RANBP3L: variants seen among roughly 807,000 people sequenced by gnomAD.
The protein encoded by RANBP3L is RAN binding protein 3 like.
A neutral mutation model predicts 67.2 loss-of-function variants in RANBP3L; 56 were observed. The observed-to-expected ratio is 0.83, with a 90% CI of 0.67 to 1.04. The LOEUF is 1.04. RANBP3L is among the 50% of genes least tolerant of loss of function. The pLI is 0.00. For synonymous variants in RANBP3L, 164 were observed against 181.4 expected (o/e 0.90, Z 0.77); for missense variants, 496 against 535.5 (o/e 0.93, Z 0.73).
chr5:36,258,395 T>G (rs1749144382), intron 8 of RANBP3L, among the ~76,000 whole-genome samples: 1 of 152,130 alleles, frequency 6.6e-6, no homozygotes, highest in African/African-American at 2.4e-5. Context: ...TCCCTCAAAA[T>G]TGGTAGAGAT....
At position 36,260,795 on chromosome 5, in the gene RANBP3L, C is replaced by T. The variant is rs1749324139; in HGVS notation, c.654G>A (p.Met218Ile). Reference protein sequence around the residue: ...CSSNFVFGENMVERVLGTQKL... With the variant: ...CSSNFVFGENIVERVLGTQKL... ...AAAATCTTACCAAAACTCTTTCTAC[C>T]ATGTTTTCTCCAAAAACAAAATTGG... The change falls in exon 8 of 14, where the codon ATG (methionine) becomes ATA (isoleucine). Residue 218 changes from methionine (M) to isoleucine (I), a missense_variant. Coordinates refer to ENST00000296604, the MANE Select transcript of RANBP3L (RefSeq NM_145000.5). 6.5e-7 allele frequency: 1 copy of T among 1,531,448 alleles called. No individual in the cohort carries two copies. The highest frequency in any genetic ancestry group is 9.0e-7 in the Non-Finnish European group (1 of 1,109,854). 94.9% of individuals were successfully genotyped at this position (1,531,448 alleles called of 1,614,324 possible).
chr5:36,293,516 C>T (rs1284526641), intron 1 of RANBP3L, among the ~76,000 whole-genome samples: 1 of 151,264 alleles, frequency 6.6e-6, no homozygotes, highest in Non-Finnish European at 1.5e-5. Flanking sequence ...TTTGCCCATT[C>T]AGTATGATAT....
At chr5:36,267,958 A>G (rs941232171) in intron 4 of RANBP3L, among the ~76,000 whole-genome samples, 4 of 152,222 alleles carry the variant, frequency 2.6e-5, no homozygotes, top group African/African-American at 9.6e-5. Flanking sequence ...ACTGTTATAA[A>G]TGTGAAATCC....
intron 1 of RANBP3L, among the ~76,000 whole-genome samples, chr5:36,272,627 G>GT (rs1464085369): frequency 6.6e-6 from 1 of 152,102 alleles, no homozygotes; most frequent in Non-Finnish European, 1.5e-5. Context: ...GTTTAGTGGG[G>GT]TTTTTTTGTT....
In RANBP3L at chr5:36,300,921, C is replaced by T. The variant is rs1165107347; in HGVS notation, c.91+405G>A. Among the ~76,000 whole-genome samples the T allele has an allele frequency of 4.6e-5, 7 of 152,262 alleles. No individual in the cohort carries two copies. In the South Asian group the frequency reaches 1.2e-3, roughly 27 times the overall value. On this transcript the variant is annotated intron_variant, in intron 1 of 13. Transcript: ENST00000296604. ...ACAATGAATGAGCCAGAGATCCAGA[C>T]AAACTTAGGCTTAAACAAAGTGAAA... is the stretch of plus-strand genomic sequence containing the variant.
chr5:36,262,899 C>T (rs1749498332), intron 6 of RANBP3L, among the ~76,000 whole-genome samples: 1 of 152,098 alleles, frequency 6.6e-6, no homozygotes, highest in Non-Finnish European at 1.5e-5. Flanking sequence ...GTAGTTTTCA[C>T]TCCTATGTTG....
chr5:36,295,916 G>C (rs894178232), intron 1 of RANBP3L, among the ~76,000 whole-genome samples: 2 of 152,052 alleles, frequency 1.3e-5, no homozygotes, highest in African/African-American at 4.8e-5. Context: ...AACTTCCTAG[G>C]AGGAGAGAAG....
intron 4 of RANBP3L, chr5:36,268,357 G>C (rs973965185): frequency 4.1e-6 from 3 of 738,670 alleles, no homozygotes; most frequent in African/African-American, 3.7e-5. Context: ...AAAAATTTCT[G>C]TATCACTAAT....
intron 1 of RANBP3L, among the ~76,000 whole-genome samples, chr5:36,285,558 A>T (rs1277138014): frequency 6.6e-6 from 1 of 152,224 alleles, no homozygotes. Flanking sequence ...TTGTTAAAAA[A>T]TGTAGAGAAG....
intron 6 of RANBP3L, 77 bp downstream of exon 6, chr5:36,264,882 G>T: frequency 7.5e-7 from 1 of 1,338,894 alleles, no homozygotes; most frequent in South Asian, 1.3e-5. Context: ...CCTATTTCTG[G>T]ATATGGGGGC....
chr5:36,291,473 T>C (rs1295171749), intron 1 of RANBP3L, among the ~76,000 whole-genome samples: 1 of 152,112 alleles, frequency 6.6e-6, no homozygotes, highest in East Asian at 1.9e-4. Context: ...TATGTATACA[T>C]ATGCCATGCT....
intron 1 of RANBP3L, among the ~76,000 whole-genome samples, chr5:36,300,968 T>G (rs1752569399): frequency 6.6e-6 from 1 of 152,184 alleles, no homozygotes; most frequent in Non-Finnish European, 1.5e-5. Flanking sequence ...CCAGTGGTAC[T>G]ATGGTAGAGA....
intron 4 of RANBP3L, among the ~76,000 whole-genome samples, chr5:36,265,833 C>A (rs7736943): frequency 6.6e-6 from 1 of 151,712 alleles, no homozygotes; most frequent in South Asian, 2.1e-4. Context: ...AATAATGAGC[C>A]GGGCGTGGTG....
At position 36,253,929 on chromosome 5, in the gene RANBP3L, C is replaced by T. The variant is rs1033971885; in HGVS notation, c.1025-140G>A. 4.1e-5 allele frequency: 30 copies of T among 735,046 alleles called. No individual in the cohort carries two copies. The African/African-American group carries it at 5.1e-4, about 12-fold the overall frequency. The allele number at this position is 735,046 out of a possible 1,614,324, so 45.5% of individuals were successfully genotyped here. On this transcript the variant is annotated intron_variant, in intron 11 of 13. Coordinates refer to ENST00000296604, the MANE Select transcript of RANBP3L (RefSeq NM_145000.5). The stretch of plus-strand genomic sequence containing the variant: ...AACTTGTGATTTGACTAGATTAAAA[C>T]TTGATTTTCAAATCATACTTTATTA...
intron 8 of RANBP3L, among the ~76,000 whole-genome samples, chr5:36,259,010 G>C (rs1160363287): frequency 6.6e-6 from 1 of 152,226 alleles, no homozygotes; most frequent in Non-Finnish European, 1.5e-5. Flanking sequence ...AAATTGAGTT[G>C]AATGTTAAGT....
intron 1 of RANBP3L, among the ~76,000 whole-genome samples, chr5:36,280,140 T>C (rs1367114172): frequency 6.6e-6 from 1 of 152,200 alleles, no homozygotes; most frequent in Non-Finnish European, 1.5e-5. Flanking sequence ...TCCACTGATT[T>C]GTACATTGTT....
intron 1 of RANBP3L, among the ~76,000 whole-genome samples, chr5:36,291,091 TTAA>T (rs1751720130): frequency 6.6e-6 from 1 of 151,896 alleles, no homozygotes; most frequent in Admixed American, 6.6e-5. Context: ...ATGTATCATT[TTAA>T]CCATTTGTAA....
intron 10 of RANBP3L, among the ~76,000 whole-genome samples, chr5:36,256,124 G>A (rs1051345421): frequency 3.9e-5 from 6 of 152,038 alleles, no homozygotes; most frequent in African/African-American, 1.4e-4. Context: ...TGGAGAAGTA[G>A]GATGTGATAC....
chr5:36,298,558 G>A (rs1337004555), intron 1 of RANBP3L, among the ~76,000 whole-genome samples: 5 of 152,126 alleles, frequency 3.3e-5, no homozygotes, highest in Non-Finnish European at 2.9e-5. Context: ...AAATAGCTTG[G>A]AGGAAAAAGC....
Sources: gnomAD v4.1 joint callset for allele counts (sites outside exome capture counted in the v4.1 genomes callset) on GRCh38, gnomAD v4.1.1 for gene constraint, MANE v1.5 for transcripts, NCBI Gene and HGNC (gene_info 2026-07-23, HGNC 2026-07-21) for gene names.